Variants in SNTG2 observed in about 807,000 individuals in gnomAD.
SNTG2 encodes gamma-2-syntrophin.
In SNTG2, 74 loss-of-function variants were observed where a neutral mutation model predicts 70.9. That is an observed-to-expected ratio of 1.04 (90% CI 0.86 to 1.27). The LOEUF is 1.27. Ranked by LOEUF, SNTG2 falls within the 50% of genes most tolerant of loss-of-function variation. SNTG2 has a pLI of 0.00. For synonymous variants in SNTG2, 278 were observed against 273.8 expected (o/e 1.02, Z -0.15); for missense variants, 717 against 690.7 (o/e 1.04, Z -0.43).
At chr2:1,059,017 G>A (rs1446601229) in intron 1 of SNTG2, 1 of 152,248 alleles carries the variant, frequency 6.6e-6, no homozygotes, top group African/African-American at 2.4e-5. Context: ...CTTCTAGCTG[G>A]GCTCACTTTT....
intron 4 of SNTG2, among the ~76,000 whole-genome samples, chr2:1,121,013 C>G (rs992632140): frequency 6.6e-6 from 1 of 151,502 alleles, no homozygotes; most frequent in African/African-American, 2.4e-5. Context: ...GGCCATAAAA[C>G]AAGTCTTAAC....
chr2:1,206,065 G>A (rs893800378), intron 8 of SNTG2, among the ~76,000 whole-genome samples: 1 of 152,188 alleles, frequency 6.6e-6, no homozygotes, highest in Non-Finnish European at 1.5e-5. Flanking sequence ...GTTGGAAGCA[G>A]CAAGATTACA....
At chr2:1,091,344 T>A (rs1665013983) in intron 2 of SNTG2, among the ~76,000 whole-genome samples, 1 of 152,120 alleles carries the variant, frequency 6.6e-6, no homozygotes. Flanking sequence ...GGCCCATCAG[T>A]ACAGGGGCTG....
intron 14 of SNTG2, among the ~76,000 whole-genome samples, chr2:1,300,907 G>A (rs1424124537): frequency 6.6e-6 from 1 of 152,124 alleles, no homozygotes; most frequent in Non-Finnish European, 1.5e-5. Flanking sequence ...TGCAGCATGT[G>A]TCATTTTCTG....
chr2:1,058,832 A>C (rs1323601554), intron 1 of SNTG2, among the ~76,000 whole-genome samples: 2 of 152,334 alleles, frequency 1.3e-5, no homozygotes, highest in African/African-American at 4.8e-5. Context: ...CCCTAATGAA[A>C]GTCAGATGAA....
chr2:1,203,375 A>G (rs1673398545), intron 8 of SNTG2, among the ~76,000 whole-genome samples: 1 of 152,056 alleles, frequency 6.6e-6, no homozygotes, highest in African/African-American at 2.4e-5. Context: ...AATGTTACAC[A>G]GGCCGGGCAC....
At chr2:1,270,517 G>A (rs1678964046) in intron 14 of SNTG2, among the ~76,000 whole-genome samples, 1 of 152,070 alleles carries the variant, frequency 6.6e-6, no homozygotes, top group African/African-American at 2.4e-5. Context: ...GAAGGGCTAT[G>A]TTACTTCTCC....
At chr2:1,116,682 G>C (rs1452727225) in intron 4 of SNTG2, among the ~76,000 whole-genome samples, 1 of 150,130 alleles carries the variant, frequency 6.7e-6, no homozygotes. Context: ...TGGCATGGGG[G>C]TGCTCTGGTG....
chr2:1,150,686 C>T (rs764916727), intron 6 of SNTG2, among the ~76,000 whole-genome samples: 2 of 143,148 alleles, frequency 1.4e-5, no homozygotes, highest in Non-Finnish European at 3.0e-5. Flanking sequence ...GATGGAAGTA[C>T]GACCCACTCA....
chr2:1,142,452 A>T (rs557956142), intron 6 of SNTG2, among the ~76,000 whole-genome samples: 42 of 152,148 alleles, frequency 2.8e-4, no homozygotes, highest in Non-Finnish European at 5.3e-4. Flanking sequence ...GGAAAGTGCC[A>T]CAGCAGAGTT....
intron 14 of SNTG2, among the ~76,000 whole-genome samples, chr2:1,305,109 C>G (rs372429673): frequency 2.4e-4 from 36 of 151,976 alleles, no homozygotes; most frequent in African/African-American, 8.0e-4. Flanking sequence ...ATATAATGTG[C>G]TGGAGATAAA....
intron 1 of SNTG2, among the ~76,000 whole-genome samples, chr2:999,079 C>A (rs1367877882): frequency 1.3e-5 from 2 of 152,044 alleles, no homozygotes; most frequent in Non-Finnish European, 2.9e-5. Context: ...TATAGTATTT[C>A]CCAGACAAGA....
At chr2:1,248,938 AACAG>A (rs1380667346) in intron 12 of SNTG2, among the ~76,000 whole-genome samples, 1 of 152,156 alleles carries the variant, frequency 6.6e-6, no homozygotes, top group Non-Finnish European at 1.5e-5. Flanking sequence ...AAGGGTTCAA[AACAG>A]ACAGGTTTCT....
chr2:1,165,495 T>G, intron 6 of SNTG2, 53 bp from the exon 7 acceptor site: 1 of 1,476,158 alleles, frequency 6.8e-7, no homozygotes, highest in Non-Finnish European at 9.4e-7. Flanking sequence ...TTTTTAATTC[T>G]GTGTCTGGTT....
intron 1 of SNTG2, among the ~76,000 whole-genome samples, chr2:1,081,293 G>T (rs1664277845): frequency 6.6e-6 from 1 of 152,208 alleles, no homozygotes; most frequent in African/African-American, 2.4e-5. Context: ...GGGAGGCAAT[G>T]GTGAGATATC....
chr2:1,265,750 G>A (rs1028332413), intron 13 of SNTG2, among the ~76,000 whole-genome samples: 1 of 152,260 alleles, frequency 6.6e-6, no homozygotes, highest in Non-Finnish European at 1.5e-5. Context: ...TTGGCTGGTT[G>A]GCACAAGTGA....
At chr2:1,250,445 CTG>C (rs1281289994) in intron 12 of SNTG2, among the ~76,000 whole-genome samples, 2 of 152,092 alleles carry the variant, frequency 1.3e-5, no homozygotes, top group Admixed American at 1.3e-4. Context: ...CCACCTGTCA[CTG>C]TCTTTGTCTC....
chr2:1,270,617 C>T (rs1447384169), intron 14 of SNTG2, among the ~76,000 whole-genome samples: 1 of 152,202 alleles, frequency 6.6e-6, no homozygotes, highest in African/African-American at 2.4e-5. Flanking sequence ...TCTGCTGAAA[C>T]ATTCAGCCTC....
chr2:1,089,886 ACATAG>A (rs913786089), intron 2 of SNTG2, among the ~76,000 whole-genome samples: 1 of 152,236 alleles, frequency 6.6e-6, no homozygotes, highest in African/African-American at 2.4e-5. Context: ...TTATATGCCA[ACATAG>A]CACTAGATTG....
Sources: gnomAD v4.1 joint callset for allele counts (sites outside exome capture counted in the v4.1 genomes callset) on GRCh38, gnomAD v4.1.1 for gene constraint, MANE v1.5 for transcripts, NCBI Gene and HGNC (gene_info 2026-07-23, HGNC 2026-07-21) for gene names.